Variants in CEP131 observed in about 807,000 individuals in gnomAD.
The protein encoded by CEP131 is centrosomal protein 131.
Under a neutral mutation model 136.8 loss-of-function variants are expected in CEP131, and 99 were observed. The observed-to-expected ratio is 0.72, with a 90% confidence interval of 0.62 to 0.86. The LOEUF is 0.86. CEP131 is among the 40% of genes least tolerant of loss of function. The pLI is 0.00. For missense variants in CEP131, 1,459 were observed against 1,463.0 expected, an observed-to-expected ratio of 1.00 and a Z score of 0.04; for synonymous variants, 646 against 612.7, an observed-to-expected ratio of 1.05 and a Z score of -0.80.
chr17:81,199,024 C>T lies in CEP131; in HGVS notation c.1193-53G>A, dbSNP rs2061830977. ...ACAGGGAGCATCCCGGGGCGGGCAG[C>T]AACTCTGGAGGCACCCCCGGGAAGG... On this transcript the variant is annotated intron_variant, in intron 10 of 25. Transcript: ENST00000450824. 6 of 1,445,458 alleles carry T rather than the reference C, an allele frequency of 4.2e-6. No individual in the cohort carries two copies. In the South Asian group the frequency reaches 5.7e-5, roughly 14 times the overall value. The allele number at this position is 1,445,458 out of a possible 1,614,324, so 89.5% of individuals were successfully genotyped here.
At position 81,194,943 on chromosome 17, in the gene CEP131, G is replaced by A. The variant is rs2061721948; in HGVS notation, c.2046C>T (p.Ser682=). 3 of 1,601,552 alleles carry A rather than the reference G, an allele frequency of 1.9e-6. No individual in the cohort carries two copies. The highest frequency in any genetic ancestry group is 1.7e-6 in the Non-Finnish European group (2 of 1,175,966). The stretch of plus-strand genomic sequence containing the variant: ...TCTCCCGGCGGGCTTTCTCGGTGGC[G>A]CTCATTAATTCTTTGAGTTTTTTAA... The part of the protein sequence containing the change: ...LEIKKLKELM[S]ATEKARREKW... The change falls in exon 17 of 26, where the codon AGC becomes AGT. Residue 682 remains serine (S), a synonymous_variant. Transcript: ENST00000450824.
chr17:81,203,054 C>T lies in CEP131; in HGVS notation c.629+440G>A, dbSNP rs544461372. Among the ~76,000 whole-genome samples the T allele has an allele frequency of 3.3e-5, 5 of 152,194 alleles. No individual in the cohort carries two copies. Among genetic ancestry groups the T allele is most frequent in the Non-Finnish European group, 5.9e-5 (4 of 68,022 alleles). On this transcript the variant is annotated intron_variant, in intron 6 of 25. Transcript: ENST00000450824. The surrounding 1 kb of genome is among the most constrained non-coding windows in gnomAD (Gnocchi z 4.6). ...CCCTGAGCAACCCCAAGGCCATCCC[C>T]AATCCCCGCAAGACCATGTGGTGGT...
intron 17 of CEP131, 150 bp downstream of exon 17, chr17:81,194,718 GCC>G: frequency 2.7e-6 from 2 of 737,946 alleles, no homozygotes; most frequent in Admixed American, 4.1e-5. Flanking sequence ...CGCAGCGGAG[GCC>G]GTGACGGGGG....
At chr17:81,201,989 T>A (rs1401630527) in intron 7 of CEP131, among the ~76,000 whole-genome samples, 2 of 151,696 alleles carry the variant, frequency 1.3e-5, no homozygotes. Flanking sequence ...TAGTCCCAGC[T>A]ACTCGGGAGG....
chr17:81,202,227 C>T lies in CEP131; in HGVS notation c.788+13G>A. Reference sequence around the variant, plus strand: ...AGGCTCAGGCCCCCCCCCACCGCCCCAAGATCGGTCACCTCTCAGCCTCCT... The same window carrying T: ...AGGCTCAGGCCCCCCCCCACCGCCCTAAGATCGGTCACCTCTCAGCCTCCT... On this transcript the variant is annotated intron_variant, in intron 7 of 25. Coordinates refer to ENST00000450824, the MANE Select transcript of CEP131 (RefSeq NM_014984.4). 6.3e-7 allele frequency: 1 copy of T among 1,581,546 alleles called. No individual in the cohort carries two copies. Among genetic ancestry groups the T allele is most frequent in the South Asian group, 1.1e-5 (1 of 87,316 alleles).
At chr17:81,221,052 T>C (rs1331448109) in intron 1 of CEP131, among the ~76,000 whole-genome samples, 1 of 142,370 alleles carries the variant, frequency 7.0e-6, no homozygotes, top group Non-Finnish European at 1.5e-5. Flanking sequence ...TTGAACCTGG[T>C]AGGCGGAGTT....
intron 9 of CEP131, 63 bp downstream of exon 9, chr17:81,199,656 A>G (rs1289482680): frequency 3.8e-6 from 6 of 1,599,018 alleles, no homozygotes; most frequent in Non-Finnish European, 5.1e-6. Flanking sequence ...GAGCCCCAGC[A>G]GCAGCCCCGC....
At position 81,198,119 on chromosome 17, in the gene CEP131, C is replaced by T. The variant is rs182537101; in HGVS notation, c.1466G>A (p.Ser489Asn). The T allele has an allele frequency of 6.4e-7, 1 of 1,561,554 alleles. No individual in the cohort carries two copies. The highest frequency in any genetic ancestry group is 8.7e-7 in the Non-Finnish European group (1 of 1,153,820). Residue 489 changes from serine (S) to asparagine (N), a missense_variant, in exon 12 of 26, where the codon AGC becomes AAC. Coordinates refer to ENST00000450824, the MANE Select transcript of CEP131 (RefSeq NM_014984.4). ...THHRGRYAWA[S>N]EEDDASSLTA... Reference sequence around the variant, plus strand: ...GCGGGCGCACACCGTGGTCACCTCGCTGGCCCAGGCGTATCTGCCCCTGTG... The same window carrying T: ...GCGGGCGCACACCGTGGTCACCTCGTTGGCCCAGGCGTATCTGCCCCTGTG...
chr17:81,192,527 G>T lies in CEP131; in HGVS notation c.2496C>A (p.Ala832=). ...LEESSSALTR[A]LRAEFEKGRE... Reference sequence around the variant, plus strand: ...TGCCCTTCTCAAACTCAGCCCTCAGGGCTCGGGTCAGTGCAGAGCTGCTCT... The same window carrying T: ...TGCCCTTCTCAAACTCAGCCCTCAGTGCTCGGGTCAGTGCAGAGCTGCTCT... Residue 832 remains alanine (A), a synonymous_variant, in exon 20 of 26, where the codon GCC becomes GCA. Coordinates refer to ENST00000450824, the MANE Select transcript of CEP131 (RefSeq NM_014984.4). 6.2e-7 allele frequency: 1 copy of T among 1,611,020 alleles called. No homozygotes were observed. The highest frequency in any genetic ancestry group is 8.5e-7 in the Non-Finnish European group (1 of 1,179,672).
In CEP131 at chr17:81,199,565, C is replaced by T. The variant is rs370901708; in HGVS notation, c.1024-16G>A. ...GTTGCAGCTCCTGCAGTGGGAGCAT[C>T]GCTGAGCACTGTCCCTGGGAGAGGA... On this transcript the variant is annotated splice_polypyrimidine_tract_variant and intron_variant, in intron 9 of 25. Transcript: ENST00000450824. 5.6e-6 allele frequency: 9 copies of T among 1,599,962 alleles called. No individual in the cohort carries two copies. The highest frequency in any genetic ancestry group is 1.3e-5 in the African/African-American group (1 of 74,628).
intron 2 of CEP131, among the ~76,000 whole-genome samples, chr17:81,214,191 A>G (rs1388670475): frequency 1.3e-5 from 2 of 152,388 alleles, no homozygotes; most frequent in South Asian, 4.1e-4. Context: ...TGGGTGCGGT[A>G]CAGGGGAACA....
At chr17:81,202,532 G>T in intron 6 of CEP131, 134 bp from the exon 7 acceptor site, 1 of 1,048,020 alleles carries the variant, frequency 9.5e-7, no homozygotes, top group Non-Finnish European at 1.4e-6. Context: ...AGCCGGGGCA[G>T]AGGGGGACAG....
chr17:81,194,353 C>T (rs1346885256), intron 17 of CEP131, among the ~76,000 whole-genome samples: 1 of 152,184 alleles, frequency 6.6e-6, no homozygotes, highest in East Asian at 1.9e-4. Flanking sequence ...GGGCTCCTGA[C>T]ACTCCTGGTG....
chr17:81,207,509 C>CTT lies in CEP131; in HGVS notation c.273-272_273-271dup, dbSNP rs377182496. On this transcript the variant is annotated intron_variant, in intron 3 of 25. Coordinates refer to ENST00000450824, the MANE Select transcript of CEP131 (RefSeq NM_014984.4). Reference sequence around the variant, plus strand: ...AAGGGCCTTATTTGTTTTTTCTTTTCTTTTTTTTTTTTTTATGTTAGTAGA... The same window carrying CTT: ...AAGGGCCTTATTTGTTTTTTCTTTTCTTTTTTTTTTTTTTTTATGTTAGTAGA... Among the ~76,000 whole-genome samples the CTT allele has an allele frequency of 2.2e-4, 31 of 141,136 alleles. 1 individual carries two copies. The highest frequency in any genetic ancestry group is 6.0e-4 in the African/African-American group (23 of 38,554). 92.6% of individuals were successfully genotyped at this position (141,136 alleles called of 152,430 possible).
In CEP131 at chr17:81,208,452, C is replaced by T. The variant is rs558102506; in HGVS notation, c.272+476G>A. Among the ~76,000 whole-genome samples, 3 of 152,336 alleles carry T rather than the reference C, an allele frequency of 2.0e-5. No homozygotes were observed. The East Asian group carries it at 5.8e-4, about 29-fold the overall frequency. ...CCACCACCGGCTCCACTCCCCACAA[C>T]ACCCCCACTGGGGCCATTGAGGCAG... On this transcript the variant is annotated intron_variant, in intron 3 of 25. Transcript: ENST00000450824. The surrounding 1 kb of genome is among the most constrained non-coding windows in gnomAD (Gnocchi z 5.6).
At position 81,191,062 on chromosome 17, in the gene CEP131, ACTTGTCC is replaced by A; in HGVS notation, c.2781_2787del (p.Asp928ThrfsTer22). On this transcript the variant is annotated frameshift_variant, in exon 23 of 26. Coordinates refer to ENST00000450824, the MANE Select transcript of CEP131 (RefSeq NM_014984.4). LOFTEE classifies it high-confidence loss of function. Reference sequence around the variant, plus strand: ...TCCAGCTCGGAGAGCTCGGCCTCGTACTTGTCCCGTAAGCGCTTGATGCTGGAGGTGG... The same window carrying A: ...TCCAGCTCGGAGAGCTCGGCCTCGTACGTAAGCGCTTGATGCTGGAGGTGG... 5 of 1,607,122 alleles carry A rather than the reference ACTTGTCC, an allele frequency of 3.1e-6. No homozygotes were observed. The highest frequency in any genetic ancestry group is 4.2e-6 in the Non-Finnish European group (5 of 1,176,706).
chr17:81,217,732 T>C (rs970380457), intron 2 of CEP131, among the ~76,000 whole-genome samples: 1 of 152,108 alleles, frequency 6.6e-6, no homozygotes, highest in Non-Finnish European at 1.5e-5. Flanking sequence ...ACGAGGGGAC[T>C]GTTAGCAGTC....
intron 2 of CEP131, among the ~76,000 whole-genome samples, chr17:81,213,930 G>GGGCC (rs1165093976): frequency 6.6e-6 from 1 of 152,100 alleles, no homozygotes; most frequent in Non-Finnish European, 1.5e-5. Flanking sequence ...GGCCAACAGG[G>GGGCC]GGCCATTCTG....
intron 18 of CEP131, among the ~76,000 whole-genome samples, 163 bp from the exon 19 acceptor site, chr17:81,193,006 G>A (rs1298527709): frequency 2.0e-5 from 3 of 152,194 alleles, no homozygotes; most frequent in Non-Finnish European, 4.4e-5. Context: ...CAAAGCCACC[G>A]CCCGGGGGCA....
Sources: allele counts gnomAD v4.1 joint callset (sites outside exome capture counted in the v4.1 genomes callset), GRCh38; gene constraint gnomAD v4.1.1; non-coding constraint Gnocchi (gnomAD v3.1); transcripts MANE v1.5; gene names NCBI Gene and HGNC (gene_info 2026-07-23, HGNC 2026-07-21).